The following DACH1 variants were observed in gnomAD, a reference collection of about 807,000 sequenced individuals.
DACH1 encodes dachshund homolog 1.
DACH1 carries 12 observed loss-of-function variants against 54.2 expected under a neutral mutation model. The ratio of observed to expected loss-of-function variants is 0.22; its 90% CI spans 0.14 to 0.36. DACH1 has a LOEUF of 0.36. Among genes scored for constraint, DACH1 ranks in the 10% least tolerant of loss-of-function variants. The probability of loss-of-function intolerance (pLI) is 1.00; values close to 1 mark genes in which losing one functional copy is unlikely to be tolerated. For synonymous variants in DACH1, 386 were observed against 366.2 expected (o/e 1.05, Z -0.62); for missense variants, 805 against 929.8 (o/e 0.87, Z 1.75).
chr13:71,576,842 G>C (rs1441290097), intron 3 of DACH1, among the ~76,000 whole-genome samples: 3 of 152,080 alleles, frequency 2.0e-5, no homozygotes, highest in African/African-American at 7.2e-5. Flanking sequence ...AGCTAGCTCA[G>C]CTTTTCAACC....
chr13:71,533,383 G>C (rs1047451354), intron 6 of DACH1, among the ~76,000 whole-genome samples: 25 of 151,962 alleles, frequency 1.6e-4, no homozygotes, highest in Non-Finnish European at 5.9e-5. Flanking sequence ...AAACGTGACA[G>C]TGAAATTTAT....
intron 7 of DACH1, among the ~76,000 whole-genome samples, chr13:71,484,702 C>A (rs563081837): frequency 3.3e-5 from 5 of 152,162 alleles, no homozygotes; most frequent in South Asian, 4.2e-4. Flanking sequence ...CTTTTTAAAG[C>A]CTTTTTGTAA....
At chr13:71,456,558 A>AT (rs1875578688) in intron 10 of DACH1, among the ~76,000 whole-genome samples, 1 of 152,004 alleles carries the variant, frequency 6.6e-6, no homozygotes, top group Non-Finnish European at 1.5e-5. Context: ...AAAAATCTTT[A>AT]TTTTCCCACC....
intron 1 of DACH1, among the ~76,000 whole-genome samples, chr13:71,838,842 G>T (rs563259489): frequency 1.6e-4 from 24 of 152,326 alleles, no homozygotes; most frequent in African/African-American, 3.4e-4. Flanking sequence ...GCTGCATTCC[G>T]TGGAGCCTAC....
chr13:71,487,410 T>C (rs993399296), intron 7 of DACH1, among the ~76,000 whole-genome samples: 1 of 152,184 alleles, frequency 6.6e-6, no homozygotes, highest in Non-Finnish European at 1.5e-5. Flanking sequence ...TTTCTTTCTT[T>C]CTTTTATTTT....
chr13:71,847,696 C>A (rs933445225), intron 1 of DACH1, among the ~76,000 whole-genome samples: 2 of 152,098 alleles, frequency 1.3e-5, no homozygotes, highest in African/African-American at 2.4e-5. Context: ...ATATGAGATG[C>A]TTTTGTAGCC....
intron 2 of DACH1, among the ~76,000 whole-genome samples, chr13:71,666,616 T>C (rs1185370465): frequency 1.3e-5 from 2 of 151,786 alleles, no homozygotes; most frequent in Non-Finnish European, 2.9e-5. Flanking sequence ...AAAGATGACA[T>C]AAAAATATGT....
chr13:71,735,877 G>C (rs1228094411), intron 1 of DACH1, among the ~76,000 whole-genome samples: 3 of 151,950 alleles, frequency 2.0e-5, no homozygotes, highest in Non-Finnish European at 4.4e-5. Context: ...CTTAGATAAT[G>C]ACAAGGATTT....
chr13:71,615,358 G>A (rs1168090439), intron 3 of DACH1, among the ~76,000 whole-genome samples: 1 of 152,118 alleles, frequency 6.6e-6, no homozygotes, highest in Non-Finnish European at 1.5e-5. Context: ...GTAAATCCCA[G>A]TTAAACCAAG....
chr13:71,731,779 C>G (rs1883760693), intron 1 of DACH1, among the ~76,000 whole-genome samples: 3 of 152,146 alleles, frequency 2.0e-5, no homozygotes, highest in African/African-American at 7.2e-5. Context: ...TCTGAATTCC[C>G]AAATATTCTG....
rs995976169 is a variant in DACH1, at chr13:71,675,191, G to A, written c.964+6604C>T. 18 of 1,582,284 alleles carry A rather than the reference G, an allele frequency of 1.1e-5. No homozygotes were observed. The Admixed American group carries it at 3.0e-4, about 26-fold the overall frequency. On this transcript the variant is annotated intron_variant, in intron 2 of 10. Coordinates refer to ENST00000613252, the MANE Select transcript of DACH1 (RefSeq NM_080759.6). ...GGGGTGAAGAAACCTCATCGTAACA[G>A]GCCTGGTACTGTGGCGCTCCGTGAA...
chr13:71,857,926 C>A (rs1874108840), intron 1 of DACH1, among the ~76,000 whole-genome samples: 1 of 151,574 alleles, frequency 6.6e-6, no homozygotes, highest in Non-Finnish European at 1.5e-5. Flanking sequence ...AACAATATGT[C>A]TTTAAAATAT....
chr13:71,504,319 A>C (rs1195800318), intron 6 of DACH1, among the ~76,000 whole-genome samples: 1 of 152,188 alleles, frequency 6.6e-6, no homozygotes, highest in Non-Finnish European at 1.5e-5. Context: ...ATTTCAAATT[A>C]AAAAAGAAAC....
intron 1 of DACH1, among the ~76,000 whole-genome samples, chr13:71,701,946 A>AT (rs1489827278): frequency 3.3e-5 from 5 of 152,138 alleles, no homozygotes; most frequent in African/African-American, 1.2e-4. Context: ...AAGTGTCATG[A>AT]TACCAACTCC....
chr13:71,644,097 T>C (rs2138605085), intron 2 of DACH1, among the ~76,000 whole-genome samples: 1 of 152,294 alleles, frequency 6.6e-6, no homozygotes, highest in Non-Finnish European at 1.5e-5. Flanking sequence ...AATTGTAGTC[T>C]CCTGCTTAGC....
chr13:71,465,980 T>C (rs1876530008), intron 10 of DACH1, among the ~76,000 whole-genome samples: 1 of 152,204 alleles, frequency 6.6e-6, no homozygotes, highest in Admixed American at 6.5e-5. Flanking sequence ...AGCTTCTTAA[T>C]ATTCTTTAAA....
At chr13:71,508,521 C>T (rs1366230686) in intron 6 of DACH1, among the ~76,000 whole-genome samples, 1 of 151,698 alleles carries the variant, frequency 6.6e-6, no homozygotes, top group Non-Finnish European at 1.5e-5. Flanking sequence ...GTCTAGAGTG[C>T]AGTAGCATGA....
intron 1 of DACH1, among the ~76,000 whole-genome samples, chr13:71,735,720 C>G (rs1181085213): frequency 2.0e-5 from 3 of 151,734 alleles, no homozygotes; most frequent in Non-Finnish European, 4.4e-5. Flanking sequence ...GATTCTTCAC[C>G]AAACATTTCT....
chr13:71,480,640 G>A (rs1234567443), intron 7 of DACH1, among the ~76,000 whole-genome samples: 2 of 152,260 alleles, frequency 1.3e-5, no homozygotes, highest in East Asian at 3.9e-4. Context: ...ATTTTCAACT[G>A]AAGTTAAAAT....
Sources: gnomAD v4.1 joint callset for allele counts (sites outside exome capture counted in the v4.1 genomes callset) on GRCh38, gnomAD v4.1.1 for gene constraint, MANE v1.5 for transcripts, NCBI Gene and HGNC (gene_info 2026-07-23, HGNC 2026-07-21) for gene names.